The following PPP1CC variants were observed in gnomAD, a reference collection of about 807,000 sequenced individuals.
PPP1CC encodes the protein protein phosphatase 1 catalytic subunit gamma, also known as serine/threonine-protein phosphatase PP1-gamma catalytic subunit.
PPP1CC carries 16 observed loss-of-function variants against 38.4 expected under a neutral mutation model. The observed-to-expected ratio is 0.42, with a 90% CI of 0.28 to 0.63. The LOEUF is 0.63. Ranked by LOEUF, PPP1CC falls within the 30% of genes least tolerant of loss-of-function variation. The probability of loss-of-function intolerance (pLI) is 0.25; values close to 1 mark genes in which losing one functional copy is unlikely to be tolerated. For missense variants in PPP1CC, 170 were observed against 391.3 expected, an observed-to-expected ratio of 0.43 and a Z score of 4.77; for synonymous variants, 158 against 136.0, an observed-to-expected ratio of 1.16 and a Z score of -1.13.
At chr12:110,742,624 C>T in intron 1 of PPP1CC, 29 bp downstream of exon 1, 7 of 1,425,430 alleles carry the variant, frequency 4.9e-6, no homozygotes, top group South Asian at 1.5e-5. Context: ...GGCCCGCCTC[C>T]CCCTTCAGCC....
chr12:110,731,780 G>C lies in PPP1CC; in HGVS notation c.177C>G (p.Leu59=). 1.2e-6 allele frequency: 2 copies of C among 1,608,412 alleles called. No homozygotes were observed. The highest frequency in any genetic ancestry group is 2.2e-5 in the South Asian group (2 of 90,744). The change falls in exon 2 of 7, where the codon CTC becomes CTG. Residue 59 remains leucine (L), a synonymous_variant. Coordinates refer to ENST00000335007, the MANE Select transcript of PPP1CC (RefSeq NM_002710.4). ...GTGCCCCAAACTTACCACATATTTTGAGTGGTGCTTCAAGTTCTAGTAGGA... is the reference window on the plus strand; with the variant it reads ...GTGCCCCAAACTTACCACATATTTTCAGTGGTGCTTCAAGTTCTAGTAGGA... ...QPILLELEAP[L]KICGDIHGQY...
At chr12:110,715,651 G>T (rs961555982), downstream of PPP1CC, among the ~76,000 whole-genome samples, 1 of 151,080 alleles carries the variant, frequency 6.6e-6, no homozygotes, top group Admixed American at 6.6e-5. Context: ...ACGGAGTTTT[G>T]CTCGTTGCCC....
intron 2 of PPP1CC, among the ~76,000 whole-genome samples, chr12:110,731,545 ATTCC>A (rs2069872224): frequency 6.6e-6 from 1 of 151,644 alleles, no homozygotes; most frequent in South Asian, 2.1e-4. Context: ...TGCAATGTTT[ATTCC>A]TTCAGCAAAA....
intron 1 of PPP1CC, among the ~76,000 whole-genome samples, chr12:110,741,670 A>T (rs570286834): frequency 6.6e-6 from 1 of 152,306 alleles, no homozygotes; most frequent in South Asian, 2.1e-4. Context: ...TCCTTCCTAC[A>T]TAAGGTGACA....
At chr12:110,719,054 T>C (rs550525432), downstream of PPP1CC, among the ~76,000 whole-genome samples, 3 of 152,214 alleles carry the variant, frequency 2.0e-5, no homozygotes, top group Non-Finnish European at 4.4e-5. Flanking sequence ...TTTTACTTTA[T>C]AGCATTTTGA....
the PPP1CC span, among the ~76,000 whole-genome samples, chr12:110,708,657 T>C: frequency 2.0e-5 from 3 of 151,920 alleles, no homozygotes; most frequent in Non-Finnish European, 4.4e-5. Context: ...GAGAACAGCT[T>C]GGCCAACATG....
At chr12:110,725,240 TTC>T (rs1308617456) in intron 3 of PPP1CC, 1 of 152,784 alleles carries the variant, frequency 6.5e-6, no homozygotes, top group Non-Finnish European at 1.5e-5. Context: ...GGAGCATCAA[TTC>T]TGTTTGAAAT....
chr12:110,736,683 A>G (rs990790428), intron 1 of PPP1CC, among the ~76,000 whole-genome samples: 1 of 152,218 alleles, frequency 6.6e-6, no homozygotes, highest in Admixed American at 6.5e-5. Flanking sequence ...GTGATTATTT[A>G]CAACACCAGC....
downstream of PPP1CC, among the ~76,000 whole-genome samples, chr12:110,715,081 G>A (rs2069677887): frequency 6.6e-6 from 1 of 151,918 alleles, no homozygotes; most frequent in South Asian, 2.1e-4. Flanking sequence ...CACCAGCCCT[G>A]AACAACTGGT....
chr12:110,737,477 CAAAAAAAAAAAAAAAAA>C (rs71083137), intron 1 of PPP1CC, among the ~76,000 whole-genome samples: 4 of 42,500 alleles, frequency 9.4e-5, no homozygotes, highest in Admixed American at 8.6e-4. Context: ...AAGAAAGACT[CAAAAAAAAAAAAAAAAA>C]AAAAAAAGAA....
In PPP1CC at chr12:110,722,107, A is replaced by T; in HGVS notation, c.882+28T>A. On this transcript the variant is annotated intron_variant, in intron 6 of 6. Coordinates refer to ENST00000335007, the MANE Select transcript of PPP1CC (RefSeq NM_002710.4). The surrounding 1 kb of genome is among the most constrained non-coding windows in gnomAD (Gnocchi z 5.4). ...ATCAGCAAAGTGTAAACATATTAAA[A>T]GGAAATCATGTTGAAAGCATGCTCT... 6.2e-7 allele frequency: 1 copy of T among 1,611,244 alleles called. No homozygotes were observed. Among genetic ancestry groups the T allele is most frequent in the Admixed American group, 1.7e-5 (1 of 59,672 alleles).
Position 110,730,770 on chromosome 12 carries a change from G to C in PPP1CC, c.188-11C>G. 1 of 1,573,172 alleles carries C rather than the reference G, an allele frequency of 6.4e-7. No individual in the cohort carries two copies. The highest frequency in any genetic ancestry group is 8.7e-7 in the Non-Finnish European group (1 of 1,153,382). ...GTCCATGGATGTCACCTGGAAGCAA[G>C]AATTTTGTTACACAGTGTTCCCATA... is the stretch of plus-strand genomic sequence containing the variant. On this transcript the variant is annotated splice_polypyrimidine_tract_variant and intron_variant, in intron 2 of 6. Transcript: ENST00000335007.
intron 2 of PPP1CC, among the ~76,000 whole-genome samples, chr12:110,731,112 C>A (rs2069866563): frequency 6.6e-6 from 1 of 152,130 alleles, no homozygotes; most frequent in African/African-American, 2.4e-5. Flanking sequence ...ACAGCTCAGT[C>A]TCTGGGTACT....
At chr12:110,731,569 T>A (rs55728229) in intron 2 of PPP1CC, among the ~76,000 whole-genome samples, 21,235 of 152,102 alleles carry the variant, frequency 0.14, 1,812 homozygotes, top group African/African-American at 0.24. Flanking sequence ...ATATTTTTTT[T>A]AAAAATCTGA....
chr12:110,712,136 G>A, the PPP1CC span, among the ~76,000 whole-genome samples: 11 of 151,936 alleles, frequency 7.2e-5, no homozygotes, highest in Non-Finnish European at 1.3e-4. Flanking sequence ...TCCAGTGCAC[G>A]TTTGTAGCCT....
At chr12:110,736,334 G>T (rs1334185070) in intron 1 of PPP1CC, among the ~76,000 whole-genome samples, 1 of 152,092 alleles carries the variant, frequency 6.6e-6, no homozygotes, top group Non-Finnish European at 1.5e-5. Context: ...AAACAAACTG[G>T]TAAAAATTTG....
At chr12:110,737,497 A>AAG (rs1555244771) in intron 1 of PPP1CC, among the ~76,000 whole-genome samples, 86 of 147,610 alleles carry the variant, frequency 5.8e-4, no homozygotes, top group African/African-American at 1.9e-3. Flanking sequence ...AAAAAAAAAA[A>AAG]AAAAGAAAAG....
At chr12:110,730,202 T>C (rs2069856132) in intron 3 of PPP1CC, among the ~76,000 whole-genome samples, 1 of 152,180 alleles carries the variant, frequency 6.6e-6, no homozygotes, top group East Asian at 1.9e-4. Context: ...TTCAAAAAAA[T>C]ACACAAATTA....
chr12:110,715,256 G>T (rs971014893), downstream of PPP1CC, among the ~76,000 whole-genome samples: 1 of 152,112 alleles, frequency 6.6e-6, no homozygotes, highest in Admixed American at 6.5e-5. Flanking sequence ...AGTATTTGGT[G>T]GTCATAGCTA....
Sources: gnomAD v4.1 joint callset for allele counts (sites outside exome capture counted in the v4.1 genomes callset) on GRCh38, gnomAD v4.1.1 for gene constraint, Gnocchi (gnomAD v3.1) non-coding constraint, MANE v1.5 for transcripts, NCBI Gene and HGNC (gene_info 2026-07-23, HGNC 2026-07-21) for gene names.